The following CNTN5 variants were observed in gnomAD, a reference collection of about 807,000 sequenced individuals.
CNTN5 encodes contactin 5, also known as contactin-5.
Under a neutral mutation model 129.1 loss-of-function variants are expected in CNTN5, and 77 were observed. The observed-to-expected ratio is 0.60, with a 90% CI of 0.50 to 0.72. The LOEUF is 0.72. Ranked by LOEUF, CNTN5 falls within the 30% of genes least tolerant of loss-of-function variation. The pLI, the probability that CNTN5 is intolerant of heterozygous loss-of-function variation, is 0.00. For missense variants in CNTN5, 1,478 were observed against 1,328.8 expected (o/e 1.11, Z -1.75); for synonymous variants, 509 against 465.6 (o/e 1.09, Z -1.20).
chr11:99,157,574 A>G (rs1208943970), intron 1 of CNTN5, among the ~76,000 whole-genome samples: 1 of 152,128 alleles, frequency 6.6e-6, no homozygotes, highest in Admixed American at 6.5e-5. Context: ...GATTTTTAAA[A>G]ACAATGTTTT....
chr11:99,444,730 C>T (rs1190998802), intron 2 of CNTN5, among the ~76,000 whole-genome samples: 2 of 151,752 alleles, frequency 1.3e-5, no homozygotes, highest in Non-Finnish European at 1.5e-5. Context: ...ATATATTTGG[C>T]CTGTGTGTAT....
chr11:99,764,912 G>A (rs1313088517), intron 3 of CNTN5, among the ~76,000 whole-genome samples: 1 of 151,950 alleles, frequency 6.6e-6, no homozygotes, highest in Admixed American at 6.6e-5. Context: ...ATTCATTAAT[G>A]TACTGCTCCT....
At chr11:99,442,572 T>C (rs1404512207) in intron 2 of CNTN5, among the ~76,000 whole-genome samples, 1 of 152,216 alleles carries the variant, frequency 6.6e-6, no homozygotes, top group African/African-American at 2.4e-5. Flanking sequence ...GCGTGTTTTA[T>C]TTTAATCTTG....
chr11:99,278,912 A>G (rs796469753), intron 1 of CNTN5, among the ~76,000 whole-genome samples: 22 of 151,870 alleles, frequency 1.4e-4, no homozygotes, highest in African/African-American at 5.1e-4. Flanking sequence ...TCCTGTCAAT[A>G]TAGTGGACCG....
At chr11:100,118,911 C>A (rs865978455) in intron 13 of CNTN5, among the ~76,000 whole-genome samples, 1 of 151,672 alleles carries the variant, frequency 6.6e-6, no homozygotes, top group South Asian at 2.1e-4. Context: ...TTTCAAATTA[C>A]ATTGTTTACC....
intron 13 of CNTN5, among the ~76,000 whole-genome samples, chr11:100,127,918 C>T (rs1277381801): frequency 1.3e-5 from 2 of 151,980 alleles, no homozygotes; most frequent in Non-Finnish European, 2.9e-5. Context: ...ACCTCGGCCT[C>T]CCAAAGTTCT....
chr11:99,089,117 A>G (rs1423030351), intron 1 of CNTN5, among the ~76,000 whole-genome samples: 3 of 152,164 alleles, frequency 2.0e-5, no homozygotes, highest in South Asian at 4.1e-4. Context: ...TAGTAAATTC[A>G]TGAGAGAACA....
At chr11:99,297,655 A>G (rs1565471808) in intron 1 of CNTN5, among the ~76,000 whole-genome samples, 1 of 152,102 alleles carries the variant, frequency 6.6e-6, no homozygotes, top group Non-Finnish European at 1.5e-5. Context: ...ACCAGAAGGA[A>G]CTCAGTTTTC....
intron 2 of CNTN5, among the ~76,000 whole-genome samples, chr11:99,531,942 G>A (rs944476521): frequency 5.3e-5 from 8 of 152,114 alleles, no homozygotes; most frequent in Non-Finnish European, 7.4e-5. Flanking sequence ...GGAAATATGA[G>A]GTCGGAGAAC....
Position 99,716,145 on chromosome 11 carries a change from GTTCT to G in CNTN5, c.56-103392_56-103389del, listed in dbSNP as rs529364415. Among the ~76,000 whole-genome samples, 6 of 151,920 alleles carry G rather than the reference GTTCT, an allele frequency of 3.9e-5. No homozygotes were observed. In the South Asian group the frequency reaches 1.2e-3, roughly 32 times the overall value. ...ACTAATATGTCTCATATTTTCTTTT[GTTCT>G]TTCTTTAGTTGTGAACTCTTAGGTC... is the stretch of plus-strand genomic sequence containing the variant. On this transcript the variant is annotated intron_variant, in intron 3 of 24. Transcript: ENST00000524871.
At chr11:100,292,237 TC>T (rs2138866192) in intron 18 of CNTN5, among the ~76,000 whole-genome samples, 1 of 152,158 alleles carries the variant, frequency 6.6e-6, no homozygotes, top group Non-Finnish European at 1.5e-5. Flanking sequence ...TTTGTGGTTC[TC>T]ACATGGGTGT....
intron 3 of CNTN5, among the ~76,000 whole-genome samples, chr11:99,630,124 GATAAA>G (rs566373985): frequency 3.7e-4 from 56 of 151,478 alleles, no homozygotes; most frequent in Non-Finnish European, 4.3e-4. Flanking sequence ...AATAAATTAC[GATAAA>G]ATAATTCATT....
chr11:99,548,478 A>G (rs959921985), intron 2 of CNTN5, among the ~76,000 whole-genome samples: 1 of 152,214 alleles, frequency 6.6e-6, no homozygotes, highest in South Asian at 2.1e-4. Context: ...CTGGAGGTCC[A>G]TAATTGTATA....
intron 3 of CNTN5, among the ~76,000 whole-genome samples, chr11:99,614,224 C>T (rs1341497514): frequency 6.6e-6 from 1 of 152,110 alleles, no homozygotes; most frequent in Non-Finnish European, 1.5e-5. Context: ...TATATCAATT[C>T]CAAATATCTA....
chr11:99,770,287 T>C (rs1256017258), intron 3 of CNTN5, among the ~76,000 whole-genome samples: 1 of 152,126 alleles, frequency 6.6e-6, no homozygotes, highest in Non-Finnish European at 1.5e-5. Flanking sequence ...GTCAAAACTA[T>C]ACAAAGGTAC....
intron 18 of CNTN5, among the ~76,000 whole-genome samples, chr11:100,291,502 G>A (rs367832842): frequency 0.018 from 2,695 of 146,176 alleles, 68 homozygotes; most frequent in East Asian, 0.16. Flanking sequence ...GTAAACTATC[G>A]CAAGAACAAA....
chr11:99,870,413 G>C (rs1332924233), intron 6 of CNTN5, among the ~76,000 whole-genome samples: 1 of 152,034 alleles, frequency 6.6e-6, no homozygotes, highest in Admixed American at 6.6e-5. Flanking sequence ...TAGCAAGGAA[G>C]CTTTTCTGTT....
At chr11:100,302,859 T>C (rs1344582852) in intron 20 of CNTN5, among the ~76,000 whole-genome samples, 1 of 151,626 alleles carries the variant, frequency 6.6e-6, no homozygotes, top group Non-Finnish European at 1.5e-5. Flanking sequence ...AAATTAATTA[T>C]TTTAGAGAAA....
intron 3 of CNTN5, among the ~76,000 whole-genome samples, chr11:99,681,320 C>G (rs1953540140): frequency 2.0e-5 from 3 of 146,810 alleles, no homozygotes; most frequent in African/African-American, 7.5e-5. Context: ...AACAGCATAG[C>G]ATTCTACACT....
Sources: gnomAD v4.1 joint callset for allele counts (sites outside exome capture counted in the v4.1 genomes callset) on GRCh38, gnomAD v4.1.1 for gene constraint, MANE v1.5 for transcripts, NCBI Gene and HGNC (gene_info 2026-07-23, HGNC 2026-07-21) for gene names.